Variants in PCDH9 observed in about 807,000 individuals in gnomAD.
PCDH9 encodes protocadherin-9.
Under a neutral mutation model 70.6 loss-of-function variants are expected in PCDH9, and 24 were observed. The observed-to-expected ratio is 0.34, with a 90% CI of 0.25 to 0.48. The LOEUF (loss-of-function observed/expected upper bound fraction) is 0.48, where lower values mean the gene tolerates loss of function less well. Among genes scored for constraint, PCDH9 ranks in the 20% least tolerant of loss-of-function variants. The pLI, the probability that PCDH9 is intolerant of heterozygous loss-of-function variation, is 0.99. For missense variants in PCDH9, 1,281 were observed against 1,503.6 expected (o/e 0.85, Z 2.45); for synonymous variants, 562 against 558.5 (o/e 1.01, Z -0.09).
chr13:66,624,954 G>T (rs551213943), intron 4 of PCDH9, among the ~76,000 whole-genome samples: 157 of 5,360 alleles, frequency 0.029, no homozygotes, highest in Non-Finnish European at 0.28. Flanking sequence ...TTTAAAACAC[G>T]TAAAAAAATA....
At chr13:66,528,912 A>G (rs1327808508) in intron 4 of PCDH9, among the ~76,000 whole-genome samples, 1 of 152,060 alleles carries the variant, frequency 6.6e-6, no homozygotes, top group Non-Finnish European at 1.5e-5. Context: ...ACCTCTCATT[A>G]CTCAATTAAT....
intron 3 of PCDH9, among the ~76,000 whole-genome samples, chr13:66,736,007 A>G (rs1373959254): frequency 6.6e-6 from 1 of 152,138 alleles, no homozygotes; most frequent in Admixed American, 6.5e-5. Flanking sequence ...ATATATGTGA[A>G]AATATTCAGT....
chr13:66,745,735 G>A (rs922874912), intron 3 of PCDH9, among the ~76,000 whole-genome samples: 6 of 152,042 alleles, frequency 3.9e-5, no homozygotes, highest in Non-Finnish European at 7.4e-5. Flanking sequence ...CCATTCCATG[G>A]AGAATTTGTA....
intron 3 of PCDH9, among the ~76,000 whole-genome samples, chr13:66,702,139 T>C (rs1359130693): frequency 6.6e-6 from 1 of 152,222 alleles, no homozygotes; most frequent in Non-Finnish European, 1.5e-5. Context: ...TTAAGACAGT[T>C]AAATTGTCAT....
chr13:66,918,197 A>G (rs2082585582), intron 2 of PCDH9, among the ~76,000 whole-genome samples: 1 of 151,222 alleles, frequency 6.6e-6, no homozygotes, highest in Admixed American at 6.6e-5. Flanking sequence ...GTAATGTGCA[A>G]GTACAAAATA....
chr13:67,145,257 G>A (rs1374634161), intron 2 of PCDH9, among the ~76,000 whole-genome samples: 3 of 152,024 alleles, frequency 2.0e-5, no homozygotes, highest in Non-Finnish European at 4.4e-5. Flanking sequence ...CAAAGAGGAA[G>A]TTTTCAAGAA....
intron 4 of PCDH9, among the ~76,000 whole-genome samples, chr13:66,515,192 G>T (rs1959674021): frequency 6.6e-6 from 1 of 152,006 alleles, no homozygotes; most frequent in African/African-American, 2.4e-5. Context: ...ATAAACAAAA[G>T]GATTTCTATA....
At chr13:66,782,505 A>T (rs1480559332) in intron 3 of PCDH9, among the ~76,000 whole-genome samples, 1 of 152,178 alleles carries the variant, frequency 6.6e-6, no homozygotes, top group African/African-American at 2.4e-5. Context: ...ATGTGCTCTA[A>T]GTGTAAAATA....
intron 2 of PCDH9, among the ~76,000 whole-genome samples, chr13:67,003,326 A>T (rs759134588): frequency 2.0e-5 from 3 of 152,188 alleles, no homozygotes; most frequent in Non-Finnish European, 4.4e-5. Flanking sequence ...TATATATATA[A>T]AAATACATTC....
intron 4 of PCDH9, among the ~76,000 whole-genome samples, chr13:66,574,926 C>T (rs1045816105): frequency 2.0e-5 from 3 of 152,046 alleles, no homozygotes; most frequent in African/African-American, 7.2e-5. Flanking sequence ...TAATCCCAGC[C>T]CTTCGGGAGG....
chr13:66,478,037 C>T (rs1205053072), intron 4 of PCDH9, among the ~76,000 whole-genome samples: 1 of 152,172 alleles, frequency 6.6e-6, no homozygotes, highest in East Asian at 1.9e-4. Flanking sequence ...AGCACCATTT[C>T]TGCAGCAGGA....
intron 3 of PCDH9, among the ~76,000 whole-genome samples, chr13:66,842,045 G>A (rs2081124839): frequency 6.6e-6 from 1 of 152,168 alleles, no homozygotes; most frequent in Non-Finnish European, 1.5e-5. Context: ...GGGAAATTAG[G>A]AGCAGAAAAG....
At chr13:66,686,027 GACTTTGGGGA>G (rs1215513977) in intron 3 of PCDH9, among the ~76,000 whole-genome samples, 1 of 152,174 alleles carries the variant, frequency 6.6e-6, no homozygotes, top group Non-Finnish European at 1.5e-5. Flanking sequence ...AATGCGCTAA[GACTTTGGGGA>G]ACTGTTGGAA....
Position 66,304,488 on chromosome 13 carries a change from C to G in PCDH9, c.*167G>C. 1 of 588,668 alleles carries G rather than the reference C, an allele frequency of 1.7e-6. No homozygotes were observed. The allele number at this position is 588,668 out of a possible 1,614,324, so 36.5% of individuals were successfully genotyped here. ...AAAATTGCATGGCTAGAACTATCTT[C>G]TCTCATATGTTGCAAAAACATTGTA... On this transcript the variant is annotated 3_prime_UTR_variant, in exon 5 of 5. Transcript: ENST00000377865.
intron 4 of PCDH9, among the ~76,000 whole-genome samples, chr13:66,502,996 A>T (rs570218162): frequency 6.6e-6 from 1 of 152,310 alleles, no homozygotes; most frequent in Admixed American, 6.5e-5. Context: ...GGTCCTGCCC[A>T]CATTCTTTGT....
intron 3 of PCDH9, among the ~76,000 whole-genome samples, chr13:66,668,128 T>C (rs1464593155): frequency 1.3e-5 from 2 of 152,162 alleles, no homozygotes; most frequent in East Asian, 1.9e-4. Context: ...GAATTCCTAG[T>C]GGCCTGAGTA....
intron 3 of PCDH9, among the ~76,000 whole-genome samples, chr13:66,723,610 A>T (rs1177835074): frequency 6.6e-6 from 1 of 152,228 alleles, no homozygotes; most frequent in Admixed American, 6.5e-5. Context: ...CTGAAGAAGA[A>T]AACTGTAGGG....
chr13:66,885,193 A>C (rs146435613), intron 3 of PCDH9, among the ~76,000 whole-genome samples: 168 of 152,194 alleles, frequency 1.1e-3, no homozygotes, highest in Non-Finnish European at 1.5e-3. Context: ...TTTCCTTGAG[A>C]CACTCCTTGA....
At chr13:66,486,578 G>A (rs770991221) in intron 4 of PCDH9, among the ~76,000 whole-genome samples, 4 of 149,844 alleles carry the variant, frequency 2.7e-5, no homozygotes, top group African/African-American at 9.9e-5. Context: ...TGAAGCTACA[G>A]TAGGCTATGA....
Sources: allele counts gnomAD v4.1 joint callset (sites outside exome capture counted in the v4.1 genomes callset), GRCh38; gene constraint gnomAD v4.1.1; transcripts MANE v1.5; gene names NCBI Gene and HGNC (gene_info 2026-07-23, HGNC 2026-07-21).